Variants in HSD17B12 observed in about 807,000 individuals in gnomAD.
HSD17B12 encodes the protein hydroxysteroid 17-beta dehydrogenase 12, also known as very-long-chain 3-oxoacyl-CoA reductase.
A neutral mutation model predicts 39.3 loss-of-function variants in HSD17B12; 32 were observed. That is an observed-to-expected ratio of 0.81 (90% CI 0.61 to 1.09). HSD17B12 has a LOEUF of 1.09. Ranked by LOEUF, HSD17B12 falls within the 50% of genes least tolerant of loss-of-function variation. HSD17B12 has a pLI of 0.00. For missense variants in HSD17B12, 342 were observed against 382.9 expected, an observed-to-expected ratio of 0.89 and a Z score of 0.89; for synonymous variants, 150 against 146.7, an observed-to-expected ratio of 1.02 and a Z score of -0.16.
At chr11:43,571,657 A>G in the HSD17B12 span, among the ~76,000 whole-genome samples, 2 of 152,150 alleles carry the variant, frequency 1.3e-5, no homozygotes, top group Non-Finnish European at 2.9e-5. Flanking sequence ...GAACAATGTT[A>G]CTTTCAGGTG....
At chr11:43,652,014 C>T in the HSD17B12 span, among the ~76,000 whole-genome samples, 1 of 152,136 alleles carries the variant, frequency 6.6e-6, no homozygotes, top group Non-Finnish European at 1.5e-5. Context: ...AGAAAGATAC[C>T]ATGTTCGTGG....
intron 3 of HSD17B12, among the ~76,000 whole-genome samples, chr11:43,785,381 A>C (rs1322518205): frequency 6.6e-6 from 1 of 152,230 alleles, no homozygotes; most frequent in African/African-American, 2.4e-5. Flanking sequence ...AAAACAGTTA[A>C]TATTACATGA....
chr11:43,696,863 G>A (rs1242781277), intron 1 of HSD17B12, among the ~76,000 whole-genome samples: 2 of 152,118 alleles, frequency 1.3e-5, no homozygotes, highest in Non-Finnish European at 2.9e-5. Flanking sequence ...CCTTTACAGG[G>A]ACATGGATGA....
chr11:43,675,367 T>G, the HSD17B12 span, among the ~76,000 whole-genome samples: 47,479 of 151,770 alleles, frequency 0.31, 7,550 homozygotes, highest in African/African-American at 0.34. Context: ...GGGAAGATAG[T>G]AAGAGGTTCC....
At chr11:43,596,875 C>A in the HSD17B12 span, among the ~76,000 whole-genome samples, 1 of 152,260 alleles carries the variant, frequency 6.6e-6, no homozygotes, top group Admixed American at 6.5e-5. Flanking sequence ...AGCTTAGTGA[C>A]TGCTCGTCTG....
chr11:43,699,140 G>A (rs908848222), intron 1 of HSD17B12, among the ~76,000 whole-genome samples: 1 of 151,972 alleles, frequency 6.6e-6, no homozygotes, highest in African/African-American at 2.4e-5. Flanking sequence ...TTTCAACTAT[G>A]GTATAATTGG....
the HSD17B12 span, among the ~76,000 whole-genome samples, chr11:43,631,438 T>A: frequency 6.6e-6 from 1 of 152,134 alleles, no homozygotes; most frequent in South Asian, 2.1e-4. Flanking sequence ...GCTGAGCTCC[T>A]TCTGACCAAT....
chr11:43,847,164 C>T (rs1288755008), intron 9 of HSD17B12, among the ~76,000 whole-genome samples: 6 of 152,118 alleles, frequency 3.9e-5, no homozygotes, highest in African/African-American at 9.7e-5. Context: ...TGTTGCTCTC[C>T]GTCACGCAGT....
At chr11:43,757,651 A>AAAAC (rs1454898044) in intron 3 of HSD17B12, among the ~76,000 whole-genome samples, 4 of 141,190 alleles carry the variant, frequency 2.8e-5, no homozygotes, top group African/African-American at 1.1e-4. Context: ...AAAAAAAAAA[A>AAAAC]AAAAAAAAAA....
At chr11:43,797,432 TGAGC>T (rs1264977804) in intron 3 of HSD17B12, among the ~76,000 whole-genome samples, 1 of 152,230 alleles carries the variant, frequency 6.6e-6, no homozygotes, top group East Asian at 1.9e-4. Flanking sequence ...AGGTATCATG[TGAGC>T]CTCACATCAT....
chr11:43,613,635 A>G, the HSD17B12 span, among the ~76,000 whole-genome samples: 2 of 151,326 alleles, frequency 1.3e-5, no homozygotes, highest in Non-Finnish European at 2.9e-5. Flanking sequence ...CCTATGAATT[A>G]TTATTTGCAG....
At chr11:43,626,688 C>T in the HSD17B12 span, among the ~76,000 whole-genome samples, 1 of 151,800 alleles carries the variant, frequency 6.6e-6, no homozygotes, top group Admixed American at 6.6e-5. Flanking sequence ...TCCATTTCAA[C>T]CCTTATGCAA....
chr11:43,681,236 G>A, intron 1 of HSD17B12: 1 of 1,121,044 alleles, frequency 8.9e-7, no homozygotes, highest in Non-Finnish European at 1.1e-6. Context: ...AGCTTAGGGT[G>A]TAGGAGAAAA....
At chr11:43,619,417 C>T in the HSD17B12 span, among the ~76,000 whole-genome samples, 1 of 142,400 alleles carries the variant, frequency 7.0e-6, no homozygotes, top group Admixed American at 7.5e-5. Flanking sequence ...GAGATGGAGT[C>T]TCCTTCTTGT....
the HSD17B12 span, among the ~76,000 whole-genome samples, chr11:43,638,361 A>C: frequency 6.6e-6 from 1 of 152,152 alleles, no homozygotes; most frequent in African/African-American, 2.4e-5. Flanking sequence ...ACATTCCTTC[A>C]GTTTTAGAGT....
intron 6 of HSD17B12, among the ~76,000 whole-genome samples, chr11:43,816,845 T>A (rs1043664684): frequency 1.6e-4 from 24 of 151,962 alleles, no homozygotes; most frequent in African/African-American, 5.8e-4. Flanking sequence ...TAGTTCCCAC[T>A]TATAAGTGAG....
intron 3 of HSD17B12, among the ~76,000 whole-genome samples, chr11:43,779,212 G>A (rs1025440122): frequency 1.3e-5 from 2 of 152,132 alleles, no homozygotes; most frequent in Non-Finnish European, 2.9e-5. Flanking sequence ...GCTTAAATTA[G>A]TGGAGAGGAC....
At chr11:43,796,696 T>C (rs750747669) in intron 3 of HSD17B12, among the ~76,000 whole-genome samples, 1 of 152,226 alleles carries the variant, frequency 6.6e-6, no homozygotes, top group South Asian at 2.1e-4. Flanking sequence ...TTGGCTTTTA[T>C]TGGTAGAAAA....
At chr11:43,752,482 G>A (rs1012511307) in intron 2 of HSD17B12, among the ~76,000 whole-genome samples, 12 of 152,222 alleles carry the variant, frequency 7.9e-5, no homozygotes, top group African/African-American at 2.9e-4. Context: ...GGGAGGCTGA[G>A]GTGGGTGGAT....
Sources: gnomAD v4.1 joint callset for allele counts (sites outside exome capture counted in the v4.1 genomes callset) on GRCh38, gnomAD v4.1.1 for gene constraint, MANE v1.5 for transcripts, NCBI Gene and HGNC (gene_info 2026-07-23, HGNC 2026-07-21) for gene names.